The following NRG3 variants were observed in gnomAD, a reference collection of about 807,000 sequenced individuals.
NRG3 encodes the protein neuregulin 3.
A neutral mutation model predicts 66.9 loss-of-function variants in NRG3; 31 were observed. That is an observed-to-expected ratio of 0.46 (90% CI 0.35 to 0.63). The LOEUF is 0.63. Ranked by LOEUF, NRG3 falls within the 20% of genes least tolerant of loss-of-function variation. NRG3 has a pLI of 0.00. For missense variants in NRG3, 910 were observed against 878.9 expected (o/e 1.04, Z -0.45); for synonymous variants, 393 against 359.4 (o/e 1.09, Z -1.06).
chr10:82,076,280 C>T (rs757622542), intron 1 of NRG3, among the ~76,000 whole-genome samples: 1 of 152,158 alleles, frequency 6.6e-6, no homozygotes, highest in Non-Finnish European at 1.5e-5. Flanking sequence ...GTTGCACGCC[C>T]TCATTGTGAA....
chr10:82,426,497 T>G (rs939259155), intron 2 of NRG3, among the ~76,000 whole-genome samples: 17 of 140,736 alleles, frequency 1.2e-4, no homozygotes, highest in African/African-American at 1.0e-4. Context: ...TATTTTCAGG[T>G]TTTTTTTTTT....
At chr10:82,853,845 G>A (rs937488445) in intron 3 of NRG3, among the ~76,000 whole-genome samples, 2 of 152,140 alleles carry the variant, frequency 1.3e-5, no homozygotes, top group Admixed American at 6.5e-5. Context: ...CTGAATAGAA[G>A]TGGTGAGAGT....
chr10:82,030,236 A>G (rs11192216), intron 1 of NRG3, among the ~76,000 whole-genome samples: 5,545 of 152,138 alleles, frequency 0.036, 343 homozygotes, highest in African/African-American at 0.13. Flanking sequence ...TTACTTAATG[A>G]GATATGAATA....
At chr10:82,169,416 T>G (rs2072377591) in intron 1 of NRG3, among the ~76,000 whole-genome samples, 1 of 151,906 alleles carries the variant, frequency 6.6e-6, no homozygotes, top group Admixed American at 6.6e-5. Context: ...CATCCTTCTT[T>G]ATATATTATT....
chr10:81,985,600 A>C (rs904835830), intron 1 of NRG3, among the ~76,000 whole-genome samples: 3 of 152,234 alleles, frequency 2.0e-5, no homozygotes, highest in African/African-American at 4.8e-5. Context: ...ATGAGAAGTT[A>C]CCTTTGGGGA....
At chr10:82,232,229 G>A (rs1290180434) in intron 1 of NRG3, 1 of 153,288 alleles carries the variant, frequency 6.5e-6, no homozygotes, top group African/African-American at 2.4e-5. Flanking sequence ...TGTATGCAGG[G>A]GGAAAGGGAC....
intron 4 of NRG3, among the ~76,000 whole-genome samples, chr10:82,869,781 G>C (rs186325208): frequency 6.6e-6 from 1 of 151,258 alleles, no homozygotes. Flanking sequence ...CTAATTTTTC[G>C]TATTTTTAGT....
chr10:82,363,637 T>C (rs1442710946), intron 2 of NRG3, among the ~76,000 whole-genome samples: 2 of 151,742 alleles, frequency 1.3e-5, no homozygotes, highest in Non-Finnish European at 2.9e-5. Context: ...TTGTAGTTTT[T>C]TAGTAGAGAC....
chr10:82,202,407 T>A (rs1039606620), intron 1 of NRG3, among the ~76,000 whole-genome samples: 1 of 152,152 alleles, frequency 6.6e-6, no homozygotes, highest in Non-Finnish European at 1.5e-5. Flanking sequence ...TTCCCTGAAG[T>A]ATTTGGGAAA....
chr10:82,247,240 A>G (rs61273207), intron 1 of NRG3, among the ~76,000 whole-genome samples: 1 of 152,178 alleles, frequency 6.6e-6, no homozygotes, highest in Non-Finnish European at 1.5e-5. Context: ...GCTTATAACA[A>G]AGTGCCATAG....
chr10:82,349,483 A>C (rs1287840130), intron 1 of NRG3, among the ~76,000 whole-genome samples: 3 of 151,412 alleles, frequency 2.0e-5, no homozygotes, highest in Non-Finnish European at 4.4e-5. Context: ...TCAGACAGGG[A>C]CATTTAAGTC....
At chr10:82,701,343 C>T (rs1565217264) in intron 2 of NRG3, among the ~76,000 whole-genome samples, 1 of 152,104 alleles carries the variant, frequency 6.6e-6, no homozygotes, top group Non-Finnish European at 1.5e-5. Context: ...TTTCCCTTTA[C>T]TTTAAACTTT....
At chr10:82,639,947 G>A (rs1250435678) in intron 2 of NRG3, among the ~76,000 whole-genome samples, 1 of 152,028 alleles carries the variant, frequency 6.6e-6, no homozygotes, top group East Asian at 1.9e-4. Flanking sequence ...ATAGGCCCCA[G>A]TGTGTGTTGT....
chr10:82,483,730 G>A (rs1842467157), intron 2 of NRG3, among the ~76,000 whole-genome samples: 1 of 152,150 alleles, frequency 6.6e-6, no homozygotes, highest in Non-Finnish European at 1.5e-5. Context: ...ATCACCAGTT[G>A]CTCAAGTTTA....
chr10:82,926,882 A>T (rs17101089), intron 4 of NRG3, among the ~76,000 whole-genome samples: 1,570 of 152,300 alleles, frequency 0.01, 16 homozygotes, highest in African/African-American at 0.03. Flanking sequence ...TCCATTGAAC[A>T]TGTCTCAACT....
At chr10:82,110,303 A>T (rs1340841138) in intron 1 of NRG3, among the ~76,000 whole-genome samples, 1 of 152,134 alleles carries the variant, frequency 6.6e-6, no homozygotes, top group Non-Finnish European at 1.5e-5. Context: ...GATCATATGG[A>T]GTGAACATGG....
At chr10:82,957,340 A>G (rs1303808946) in intron 5 of NRG3, among the ~76,000 whole-genome samples, 2 of 151,868 alleles carry the variant, frequency 1.3e-5, no homozygotes, top group Non-Finnish European at 2.9e-5. Flanking sequence ...ACAATAAGCC[A>G]CGCTCTGTAG....
At chr10:82,132,684 C>T (rs1322763789) in intron 1 of NRG3, among the ~76,000 whole-genome samples, 1 of 150,370 alleles carries the variant, frequency 6.7e-6, no homozygotes, top group East Asian at 1.9e-4. Flanking sequence ...TAAAATTCAG[C>T]GGTGAAGCCG....
chr10:82,818,951 C>A (rs2061833609), intron 3 of NRG3, among the ~76,000 whole-genome samples: 1 of 152,126 alleles, frequency 6.6e-6, no homozygotes, highest in Admixed American at 6.6e-5. Flanking sequence ...TGTATCCATA[C>A]ACTATTTACT....
Sources: gnomAD v4.1 joint callset for allele counts (sites outside exome capture counted in the v4.1 genomes callset) on GRCh38, gnomAD v4.1.1 for gene constraint, MANE v1.5 for transcripts, NCBI Gene and HGNC (gene_info 2026-07-23, HGNC 2026-07-21) for gene names.